ARHGAP35: variants seen among roughly 807,000 people sequenced by gnomAD.
The protein encoded by ARHGAP35 is rho GTPase-activating protein 35.
Under a neutral mutation model 111.1 loss-of-function variants are expected in ARHGAP35, and 15 were observed. The observed-to-expected ratio is 0.13, with a 90% CI of 0.09 to 0.21. The LOEUF (loss-of-function observed/expected upper bound fraction) is 0.21. Among genes scored for constraint, ARHGAP35 ranks in the 10% least tolerant of loss-of-function variants. The pLI is 1.00. For missense variants in ARHGAP35, 1,262 were observed against 1,873.0 expected (o/e 0.67, Z 6.02); for synonymous variants, 643 against 710.3 (o/e 0.91, Z 1.51).
Position 46,918,683 on chromosome 19 carries a change from T to C in ARHGAP35, c.8T>C (p.Met3Thr), listed in dbSNP as rs757394155. The C allele has an allele frequency of 1.2e-6, 2 of 1,612,108 alleles. No homozygotes were observed. The highest frequency in any genetic ancestry group is 1.7e-6 in the Non-Finnish European group (2 of 1,178,474). Residue 3 changes from methionine to threonine, a missense_variant, in exon 2 of 7, where the codon ATG (methionine) becomes ACG (threonine). Around this residue, in one of 8 missense-constraint regions of ARHGAP35, gnomAD observed 125 missense variants for 301.7 expected, o/e 0.41. Coordinates refer to ENST00000672722, the MANE Select transcript of ARHGAP35 (RefSeq NM_004491.5). This position sits in a 1 kb window ranked among gnomAD's most constrained non-coding sequence, Gnocchi z 5.4. Reference protein sequence around the residue: MMMARKQDVRIPT... With the variant: MMTARKQDVRIPT... The stretch of plus-strand genomic sequence containing the variant: ...TGGCAGGATGTGTCGACGATGATGA[T>C]GGCAAGAAAGCAAGATGTCCGAATT...
At chr19:46,872,200 A>G (rs2055891361) in intron 1 of ARHGAP35, among the ~76,000 whole-genome samples, 1 of 152,244 alleles carries the variant, frequency 6.6e-6, no homozygotes, top group African/African-American at 2.4e-5. Context: ...GAAAGTGCAC[A>G]CAAAATAAAA....
chr19:46,939,066 C>G (rs949022221), intron 3 of ARHGAP35, among the ~76,000 whole-genome samples: 1 of 152,194 alleles, frequency 6.6e-6, no homozygotes, highest in African/African-American at 2.4e-5. Flanking sequence ...GTAATAAGCA[C>G]TTGGCATAAT....
At chr19:46,962,880 G>A (rs2056492788) in intron 3 of ARHGAP35, among the ~76,000 whole-genome samples, 1 of 152,092 alleles carries the variant, frequency 6.6e-6, no homozygotes, top group Non-Finnish European at 1.5e-5. Context: ...CAAAGTGCTG[G>A]GATCGCAGGC....
At chr19:46,987,752 G>GTCTT (rs1260512261) in intron 3 of ARHGAP35, among the ~76,000 whole-genome samples, 1 of 152,132 alleles carries the variant, frequency 6.6e-6, no homozygotes, top group Non-Finnish European at 1.5e-5. Flanking sequence ...TGCTTCTATA[G>GTCTT]TCTTTCCATT....
intron 1 of ARHGAP35, among the ~76,000 whole-genome samples, chr19:46,879,568 CAG>C (rs2122131768): frequency 9.6e-6 from 1 of 103,796 alleles, no homozygotes; most frequent in African/African-American, 3.4e-5. Flanking sequence ...GCCAGGACAA[CAG>C]AGTGAGACTC....
chr19:46,916,824 C>T (rs1017328506), intron 1 of ARHGAP35, among the ~76,000 whole-genome samples: 6 of 151,922 alleles, frequency 3.9e-5, no homozygotes, highest in African/African-American at 1.5e-4. Flanking sequence ...GGATCAGTTA[C>T]GTACATTATG....
chr19:46,932,561 AC>A (rs1278947901), intron 2 of ARHGAP35, among the ~76,000 whole-genome samples: 1 of 152,048 alleles, frequency 6.6e-6, no homozygotes, highest in Admixed American at 6.6e-5. Context: ...ATGCCCAGTA[AC>A]CCTTCAGATG....
At chr19:46,878,450 G>A (rs1300898153) in intron 1 of ARHGAP35, among the ~76,000 whole-genome samples, 1 of 151,978 alleles carries the variant, frequency 6.6e-6, no homozygotes, top group Admixed American at 6.6e-5. Context: ...TGGAGTAGCT[G>A]GGTCTAGAGA....
chr19:47,000,415 C>T lies in ARHGAP35; in HGVS notation c.4227C>T (p.Phe1409=). 1 of 1,613,906 alleles carries T rather than the reference C, an allele frequency of 6.2e-7. No homozygotes were observed. The highest frequency in any genetic ancestry group is 2.2e-5 in the East Asian group (1 of 44,878). The change falls in exon 7 of 7, where the codon TTC becomes TTT. Residue 1409 remains phenylalanine (F), a synonymous_variant. Transcript: ENST00000672722. The surrounding 1 kb of genome is among the most constrained non-coding windows in gnomAD (Gnocchi z 6.9). The part of the protein sequence containing the change: ...CFWPTLMRPD[F]STMDALTATR... ...GGCCCACCTTGATGAGACCTGATTT[C>T]AGCACTATGGACGCCCTCACAGCCA...
chr19:46,920,865 T>C lies in ARHGAP35; in HGVS notation c.2190T>C (p.Cys730=). The C allele has an allele frequency of 6.2e-7, 1 of 1,613,924 alleles. No homozygotes were observed. Among genetic ancestry groups the C allele is most frequent in the Non-Finnish European group, 8.5e-7 (1 of 1,179,852 alleles). ...QGQQIASKLQ[C]VFLDPASAGI... ...AACAAATTGCTAGCAAACTTCAGTG[T>C]GTCTTTCTCGACCCTGCTTCTGCTG... The change falls in exon 2 of 7, where the codon TGT becomes TGC. Residue 730 remains cysteine (C), a synonymous_variant. Coordinates refer to ENST00000672722, the MANE Select transcript of ARHGAP35 (RefSeq NM_004491.5). The surrounding 1 kb of genome is among the most constrained non-coding windows in gnomAD (Gnocchi z 7.0).
intron 3 of ARHGAP35, among the ~76,000 whole-genome samples, chr19:46,984,974 C>G (rs569400743): frequency 3.5e-4 from 54 of 152,350 alleles, no homozygotes; most frequent in African/African-American, 1.3e-3. Flanking sequence ...GACTGCCTCT[C>G]TACACTGAGA....
In ARHGAP35 at chr19:46,988,298, C is replaced by A. The variant is rs2056662110; in HGVS notation, c.3904+232C>A. 7.9e-6 allele frequency: 4 copies of A among 508,702 alleles called. No homozygotes were observed. The highest frequency in any genetic ancestry group is 1.4e-5 in the Non-Finnish European group (4 of 278,530). The allele number at this position is 508,702 out of a possible 1,614,324, so 31.5% of individuals were successfully genotyped here. ...CCCAAGCTGGGTCATGTAGGCCACT[C>A]CCCACACTGCCACTCACAGATGCTC... On this transcript the variant is annotated intron_variant, in intron 4 of 6. Coordinates refer to ENST00000672722, the MANE Select transcript of ARHGAP35 (RefSeq NM_004491.5). The surrounding 1 kb of genome is among the most constrained non-coding windows in gnomAD (Gnocchi z 5.4).
At chr19:46,875,366 T>A (rs1420382201) in intron 1 of ARHGAP35, among the ~76,000 whole-genome samples, 4 of 152,152 alleles carry the variant, frequency 2.6e-5, no homozygotes, top group Non-Finnish European at 5.9e-5. Context: ...TTCTGTGACA[T>A]CACCTAGAAC....
intron 2 of ARHGAP35, among the ~76,000 whole-genome samples, chr19:46,929,232 G>C (rs1337772110): frequency 6.6e-6 from 1 of 152,104 alleles, no homozygotes; most frequent in African/African-American, 2.4e-5. Flanking sequence ...AGCCCAGAAG[G>C]GGGAGCACCG....
intron 3 of ARHGAP35, among the ~76,000 whole-genome samples, chr19:46,961,828 G>A (rs192597038): frequency 4.8e-4 from 73 of 152,280 alleles, no homozygotes; most frequent in Non-Finnish European, 1.0e-3. Flanking sequence ...TACTCGGGAG[G>A]CTGAGGCAGG....
intron 1 of ARHGAP35, among the ~76,000 whole-genome samples, chr19:46,906,886 C>T (rs1053097389): frequency 5.3e-5 from 8 of 152,104 alleles, no homozygotes; most frequent in African/African-American, 1.7e-4. Context: ...CCCAGGAGTT[C>T]GAGACTAGCC....
chr19:46,888,317 T>TATAAAA (rs1568461153), intron 1 of ARHGAP35, among the ~76,000 whole-genome samples: 2 of 53,316 alleles, frequency 3.8e-5, no homozygotes, highest in Non-Finnish European at 7.0e-5. Context: ...TATATATATA[T>TATAAAA]AAAATATTGA....
intron 3 of ARHGAP35, among the ~76,000 whole-genome samples, chr19:46,974,752 G>A (rs565785926): frequency 1.3e-5 from 2 of 152,120 alleles, no homozygotes; most frequent in East Asian, 3.9e-4. Context: ...TCGTGGGTGG[G>A]GCTGACAGTT....
At chr19:46,962,109 T>G (rs6509303) in intron 3 of ARHGAP35, among the ~76,000 whole-genome samples, 1 of 152,066 alleles carries the variant, frequency 6.6e-6, no homozygotes, top group Admixed American at 6.5e-5. Flanking sequence ...CTGTGGGTGC[T>G]GTTTACACAA....
Sources: allele counts gnomAD v4.1 joint callset (sites outside exome capture counted in the v4.1 genomes callset), GRCh38; gene constraint gnomAD v4.1.1; regional missense constraint gnomAD v4.1.1; non-coding constraint Gnocchi (gnomAD v3.1); transcripts MANE v1.5; gene names NCBI Gene and HGNC (gene_info 2026-07-23, HGNC 2026-07-21).